The following NBEA variants were observed in gnomAD, a reference collection of about 807,000 sequenced individuals.
The protein encoded by NBEA is neurobeachin, also known as lysosomal-trafficking regulator 2.
Under a neutral mutation model 343.4 loss-of-function variants are expected in NBEA, and 44 were observed. The observed-to-expected ratio is 0.13, with a 90% CI of 0.10 to 0.16. The LOEUF (loss-of-function observed/expected upper bound fraction) is 0.16. Among genes scored for constraint, NBEA ranks in the 10% least tolerant of loss-of-function variants. The pLI, the probability that NBEA is intolerant of heterozygous loss-of-function variation, is 1.00. For missense variants in NBEA, 2,555 were observed against 3,631.3 expected (o/e 0.70, Z 7.62); for synonymous variants, 1,175 against 1,238.7 (o/e 0.95, Z 1.08).
intron 18 of NBEA, among the ~76,000 whole-genome samples, chr13:35,151,981 T>G (rs924703076): frequency 4.6e-5 from 7 of 152,160 alleles, no homozygotes; most frequent in African/African-American, 1.7e-4. Flanking sequence ...AAGTAGATTT[T>G]TATGTTTAAT....
intron 41 of NBEA, among the ~76,000 whole-genome samples, chr13:35,532,544 A>G (rs1425711946): frequency 6.6e-6 from 1 of 152,198 alleles, no homozygotes; most frequent in Admixed American, 6.5e-5. Context: ...GTGCAGTCAA[A>G]AAGCTTTGTT....
At chr13:35,463,154 A>G (rs2046995675) in intron 40 of NBEA, among the ~76,000 whole-genome samples, 1 of 152,204 alleles carries the variant, frequency 6.6e-6, no homozygotes, top group African/African-American at 2.4e-5. Context: ...ATAATAGGAT[A>G]CCAAGCAGGA....
chr13:35,090,794 A>G (rs551120516), intron 10 of NBEA, among the ~76,000 whole-genome samples: 1 of 151,928 alleles, frequency 6.6e-6, no homozygotes, highest in Non-Finnish European at 1.5e-5. Context: ...ACTCAATGCA[A>G]GAAAAACACC....
At chr13:34,991,746 C>G (rs1199802131) in intron 1 of NBEA, among the ~76,000 whole-genome samples, 2 of 152,132 alleles carry the variant, frequency 1.3e-5, no homozygotes, top group African/African-American at 2.4e-5. Flanking sequence ...CATGCCATTT[C>G]TTTTACTTTT....
At chr13:35,005,581 C>G (rs1247790415) in intron 1 of NBEA, among the ~76,000 whole-genome samples, 5 of 152,122 alleles carry the variant, frequency 3.3e-5, no homozygotes, top group African/African-American at 1.2e-4. Context: ...TAGTTCTTGA[C>G]CCAATGGAGA....
intron 10 of NBEA, among the ~76,000 whole-genome samples, chr13:35,090,635 A>G (rs1318216948): frequency 1.3e-5 from 2 of 151,832 alleles, no homozygotes; most frequent in Admixed American, 6.6e-5. Context: ...AACTCTGTCT[A>G]ATTAGTATGT....
chr13:35,168,504 T>C (rs2070212800), intron 24 of NBEA, among the ~76,000 whole-genome samples: 1 of 151,606 alleles, frequency 6.6e-6, no homozygotes. Flanking sequence ...TATAGGAAGC[T>C]TTCTGTATAT....
At chr13:35,261,222 TA>T (rs1222354953) in intron 34 of NBEA, among the ~76,000 whole-genome samples, 8 of 152,062 alleles carry the variant, frequency 5.3e-5, no homozygotes, top group Non-Finnish European at 8.8e-5. Context: ...ATATTTAAAG[TA>T]AAATATGGGC....
intron 38 of NBEA, among the ~76,000 whole-genome samples, chr13:35,363,563 A>G (rs758171027): frequency 1.3e-5 from 2 of 151,806 alleles, no homozygotes; most frequent in Non-Finnish European, 2.9e-5. Flanking sequence ...CAGTTCTTAT[A>G]TCTTTTGAGA....
intron 53 of NBEA, among the ~76,000 whole-genome samples, chr13:35,652,341 A>T (rs61948060): frequency 0.038 from 215 of 5,652 alleles, 1 homozygote; most frequent in Non-Finnish European, 0.092. Context: ...ACTTAAATTT[A>T]AAAAAAAAAA....
chr13:35,169,352 T>C (rs1474661948), intron 25 of NBEA, among the ~76,000 whole-genome samples: 1 of 151,556 alleles, frequency 6.6e-6, no homozygotes, highest in Non-Finnish European at 1.5e-5. Context: ...GCCCTATCTT[T>C]TGATGCTTAC....
chr13:35,551,194 A>T (rs1269061475), intron 43 of NBEA, among the ~76,000 whole-genome samples, 162 bp downstream of exon 43: 2 of 142,204 alleles, frequency 1.4e-5, no homozygotes, highest in South Asian at 5.1e-4. Flanking sequence ...GAAAATAGCT[A>T]TTTTGAGAAT....
intron 48 of NBEA, among the ~76,000 whole-genome samples, chr13:35,613,578 G>A (rs537806253): frequency 2.6e-5 from 4 of 151,914 alleles, no homozygotes; most frequent in Non-Finnish European, 5.9e-5. Flanking sequence ...TGGGATGGCT[G>A]GATTATATGG....
chr13:35,574,634 C>G (rs1202787747), intron 45 of NBEA, among the ~76,000 whole-genome samples: 2 of 152,044 alleles, frequency 1.3e-5, no homozygotes, highest in African/African-American at 4.8e-5. Context: ...GTCTGTAATC[C>G]TAGCACTTTG....
chr13:35,298,695 T>TA (rs1269359926), intron 35 of NBEA, among the ~76,000 whole-genome samples: 1 of 151,984 alleles, frequency 6.6e-6, no homozygotes. Flanking sequence ...ATTTGAAACA[T>TA]AATTTAGTGA....
At chr13:35,470,719 G>T (rs1240377631) in intron 40 of NBEA, among the ~76,000 whole-genome samples, 2 of 152,194 alleles carry the variant, frequency 1.3e-5, no homozygotes, top group African/African-American at 2.4e-5. Flanking sequence ...GGTTCGAACC[G>T]GCCCGAGCGT....
At chr13:35,205,912 G>A (rs1254177965) in intron 31 of NBEA, among the ~76,000 whole-genome samples, 4 of 152,082 alleles carry the variant, frequency 2.6e-5, no homozygotes, top group South Asian at 4.2e-4. Flanking sequence ...ATTTTAATGG[G>A]GAGGAGAATG....
At chr13:35,311,021 A>G (rs1336570226) in intron 36 of NBEA, among the ~76,000 whole-genome samples, 1 of 152,066 alleles carries the variant, frequency 6.6e-6, no homozygotes, top group Non-Finnish European at 1.5e-5. Flanking sequence ...TTGTGACCTA[A>G]TCATGTTAGC....
chr13:35,551,103 A>G, intron 43 of NBEA, 71 bp downstream of exon 43: 1 of 897,220 alleles, frequency 1.1e-6, no homozygotes, highest in Non-Finnish European at 1.7e-6. Flanking sequence ...CAGCAATGTA[A>G]ATGTGGTTAT....
Sources: allele counts gnomAD v4.1 joint callset (sites outside exome capture counted in the v4.1 genomes callset), GRCh38; gene constraint gnomAD v4.1.1; transcripts MANE v1.5; gene names NCBI Gene and HGNC (gene_info 2026-07-23, HGNC 2026-07-21).